Variants in ANXA10 observed in about 807,000 individuals in gnomAD.
ANXA10 encodes the protein annexin A10.
Under a neutral mutation model 53.5 loss-of-function variants are expected in ANXA10, and 49 were observed. The ratio of observed to expected loss-of-function variants is 0.92; its 90% confidence interval spans 0.73 to 1.16. The LOEUF (loss-of-function observed/expected upper bound fraction) is 1.16. Ranked by LOEUF, ANXA10 falls within the 50% of genes most tolerant of loss-of-function variation. The probability of loss-of-function intolerance (pLI) is 0.00; values close to 1 mark genes in which losing one functional copy is unlikely to be tolerated. For synonymous variants in ANXA10, 131 were observed against 128.9 expected, an observed-to-expected ratio of 1.02 and a Z score of -0.11; for missense variants, 393 against 394.4, an observed-to-expected ratio of 1.00 and a Z score of 0.03.
chr4:168,138,031 G>A (rs893211404), intron 2 of ANXA10, among the ~76,000 whole-genome samples: 12 of 149,566 alleles, frequency 8.0e-5, no homozygotes, highest in African/African-American at 2.5e-4. Flanking sequence ...GCGTGATCTC[G>A]GCACACTGCA....
chr4:168,132,475 G>A (rs766199699), intron 2 of ANXA10, among the ~76,000 whole-genome samples: 15 of 152,092 alleles, frequency 9.9e-5, no homozygotes, highest in Non-Finnish European at 8.8e-5. Context: ...ACCAGAGGTT[G>A]TGAAGGGTAG....
intron 1 of ANXA10, among the ~76,000 whole-genome samples, chr4:168,093,969 A>T (rs72691154): frequency 0.072 from 10,917 of 152,132 alleles, 472 homozygotes; most frequent in Admixed American, 0.12. Flanking sequence ...GTTATATTTC[A>T]CTACAGAGAA....
intron 1 of ANXA10, 28 bp downstream of exon 1, chr4:168,092,746 C>G: frequency 6.6e-7 from 1 of 1,515,630 alleles, no homozygotes; most frequent in Non-Finnish European, 8.9e-7. Flanking sequence ...TTCTGTAAAG[C>G]TTTTCACTCT....
At chr4:168,117,944 C>CTCAT (rs1730921411) in intron 1 of ANXA10, among the ~76,000 whole-genome samples, 1 of 150,620 alleles carries the variant, frequency 6.6e-6, no homozygotes, top group Non-Finnish European at 1.5e-5. Context: ...CACTCCCTCC[C>CTCAT]TCCCTCACAC....
At chr4:168,120,455 A>G (rs1730966349) in intron 1 of ANXA10, among the ~76,000 whole-genome samples, 2 of 152,236 alleles carry the variant, frequency 1.3e-5, no homozygotes, top group African/African-American at 4.8e-5. Context: ...CTTCAGGAAC[A>G]AAAAAGCCTG....
At chr4:168,121,599 C>T (rs544338055) in intron 1 of ANXA10, among the ~76,000 whole-genome samples, 1 of 152,096 alleles carries the variant, frequency 6.6e-6, no homozygotes, top group Non-Finnish European at 1.5e-5. Context: ...AACACATTAT[C>T]AAATAATTAA....
intron 9 of ANXA10, among the ~76,000 whole-genome samples, chr4:168,180,258 T>C (rs1252471460): frequency 3.3e-5 from 5 of 152,198 alleles, no homozygotes; most frequent in Non-Finnish European, 2.9e-5. Context: ...GAAAATTCTC[T>C]ACAAAATTTA....
At chr4:168,126,619 C>G (rs777487198) in intron 1 of ANXA10, among the ~76,000 whole-genome samples, 12 of 152,142 alleles carry the variant, frequency 7.9e-5, no homozygotes, top group Non-Finnish European at 1.5e-4. Flanking sequence ...CTAGGACCAG[C>G]TCTTCCCCCC....
At chr4:168,128,204 T>A (rs1425294350) in intron 2 of ANXA10, 39 bp downstream of exon 2, 1 of 1,559,284 alleles carries the variant, frequency 6.4e-7, no homozygotes, top group Admixed American at 1.7e-5. Flanking sequence ...ATTGTGATTA[T>A]TTTTTGCTTT....
intron 1 of ANXA10, among the ~76,000 whole-genome samples, chr4:168,105,742 T>C (rs1298410069): frequency 6.6e-6 from 1 of 152,086 alleles, no homozygotes; most frequent in Non-Finnish European, 1.5e-5. Flanking sequence ...CAACAGTATA[T>C]AAGCATTCCT....
At chr4:168,136,220 C>A (rs1731234559) in intron 2 of ANXA10, among the ~76,000 whole-genome samples, 1 of 152,114 alleles carries the variant, frequency 6.6e-6, no homozygotes, top group Non-Finnish European at 1.5e-5. Flanking sequence ...CAAATCCAAA[C>A]CATATGATTC....
chr4:168,101,499 TG>T (rs948991695), intron 1 of ANXA10, among the ~76,000 whole-genome samples: 4 of 137,514 alleles, frequency 2.9e-5, no homozygotes, highest in Admixed American at 7.3e-5. Context: ...GTGTTTTTTT[TG>T]GGGGGGAAGG....
rs1386958249 is a variant in ANXA10, at chr4:168,179,299, G to T, written c.711G>T (p.Leu237=). The T allele has an allele frequency of 6.2e-7, 1 of 1,608,036 alleles. No individual in the cohort carries two copies. The highest frequency in any genetic ancestry group is 1.3e-5 in the African/African-American group (1 of 74,922). ...GTTATGATGGATACTTTCAGGAGCT[G>T]CTGGTTGCAATTGGTAAGTAATAAA... ...NECYDGYFQE[L]LVAIVLCVRD... The change falls in exon 9 of 12, where the codon CTG becomes CTT. Residue 237 remains leucine (L), a synonymous_variant. Transcript: ENST00000359299.
intron 4 of ANXA10, among the ~76,000 whole-genome samples, chr4:168,163,799 C>T (rs114869648): frequency 1.3e-5 from 2 of 152,178 alleles, no homozygotes; most frequent in African/African-American, 2.4e-5. Context: ...AAAATATTCT[C>T]GGCAAATTAG....
At chr4:168,099,483 C>G (rs1210642270) in intron 1 of ANXA10, among the ~76,000 whole-genome samples, 1 of 151,952 alleles carries the variant, frequency 6.6e-6, no homozygotes, top group East Asian at 1.9e-4. Flanking sequence ...TACAGTAGTC[C>G]CTTCACAGTA....
intron 1 of ANXA10, among the ~76,000 whole-genome samples, chr4:168,126,997 T>A (rs1731080252): frequency 6.6e-6 from 1 of 152,180 alleles, no homozygotes; most frequent in South Asian, 2.1e-4. Context: ...CCTGTTCTCA[T>A]TAATTAATTA....
intron 3 of ANXA10, among the ~76,000 whole-genome samples, chr4:168,160,672 C>T (rs1425264140): frequency 6.6e-6 from 1 of 152,122 alleles, no homozygotes; most frequent in East Asian, 1.9e-4. Flanking sequence ...CTGATTTACA[C>T]TCCCAGAGTG....
chr4:168,128,224 T>C (rs1268581334), intron 2 of ANXA10, 59 bp downstream of exon 2: 2 of 1,379,554 alleles, frequency 1.4e-6, no homozygotes, highest in African/African-American at 1.4e-5. Context: ...TACCTTGTTT[T>C]AAGACTATAC....
intron 1 of ANXA10, among the ~76,000 whole-genome samples, chr4:168,100,154 C>G (rs561039926): frequency 1.3e-5 from 2 of 152,192 alleles, no homozygotes; most frequent in African/African-American, 4.8e-5. Flanking sequence ...TAATTAAAGG[C>G]ATCAGATTAA....
Sources: allele counts gnomAD v4.1 joint callset (sites outside exome capture counted in the v4.1 genomes callset), GRCh38; gene constraint gnomAD v4.1.1; transcripts MANE v1.5; gene names NCBI Gene and HGNC (gene_info 2026-07-23, HGNC 2026-07-21).